IFNAR2: variants seen among roughly 807,000 people sequenced by gnomAD.
The protein encoded by IFNAR2 is interferon alpha and beta receptor subunit 2.
Under a neutral mutation model 49.4 loss-of-function variants are expected in IFNAR2, and 30 were observed. The observed-to-expected ratio is 0.61, with a 90% CI of 0.45 to 0.82. The LOEUF is 0.82. Ranked by LOEUF, IFNAR2 falls within the 40% of genes least tolerant of loss-of-function variation. The pLI is 0.00. For missense variants in IFNAR2, 600 were observed against 622.7 expected (o/e 0.96, Z 0.39); for synonymous variants, 224 against 234.5 (o/e 0.96, Z 0.41).
At chr21:33,257,851 C>T (rs1988315454) in intron 7 of IFNAR2, among the ~76,000 whole-genome samples, 1 of 152,174 alleles carries the variant, frequency 6.6e-6, no homozygotes. Flanking sequence ...GCATCCACCA[C>T]AGATGGCCAC....
intron 6 of IFNAR2, among the ~76,000 whole-genome samples, chr21:33,249,781 AT>A (rs1212356812): frequency 6.6e-6 from 1 of 152,204 alleles, no homozygotes; most frequent in Non-Finnish European, 1.5e-5. Context: ...AGCCTGAGAG[AT>A]AATCAGGGTA....
intron 6 of IFNAR2, chr21:33,251,421 G>T: frequency 7.3e-6 from 2 of 272,710 alleles, no homozygotes; most frequent in Non-Finnish European, 1.1e-5. Context: ...AGAGCTGGTT[G>T]GAGTAGATTC....
intron 5 of IFNAR2, among the ~76,000 whole-genome samples, chr21:33,247,254 C>CA (rs1987501614): frequency 1.1e-5 from 1 of 91,574 alleles, no homozygotes; most frequent in Non-Finnish European, 2.1e-5. Context: ...TTCTTTCTTT[C>CA]TTTTTTTTTT....
At chr21:33,247,027 C>G in intron 5 of IFNAR2, 137 bp downstream of exon 5, 1 of 653,782 alleles carries the variant, frequency 1.5e-6, no homozygotes, top group Non-Finnish European at 2.6e-6. Flanking sequence ...CACTTCCTAG[C>G]TCTGTAACCG....
At chr21:33,259,861 G>A (rs549953593) in intron 7 of IFNAR2, among the ~76,000 whole-genome samples, 4 of 152,166 alleles carry the variant, frequency 2.6e-5, no homozygotes, top group Admixed American at 2.6e-4. Flanking sequence ...TTAACCTTCT[G>A]GAAGACTTAG....
intron 7 of IFNAR2, among the ~76,000 whole-genome samples, chr21:33,253,489 A>T (rs890387443): frequency 1.3e-5 from 2 of 152,184 alleles, no homozygotes; most frequent in African/African-American, 2.4e-5. Flanking sequence ...AGTCTCCCTC[A>T]AAGAAGCCCT....
chr21:33,252,597 A>G (rs975820959), intron 6 of IFNAR2, 65 bp from the exon 7 acceptor site: 1 of 1,546,122 alleles, frequency 6.5e-7, no homozygotes, highest in Non-Finnish European at 8.7e-7. Flanking sequence ...CAAATCCCAA[A>G]AGAGATTAAG....
At position 33,263,854 on chromosome 21, in the gene IFNAR2, CTTTT is replaced by C. The variant is rs58370026; in HGVS notation, c.*369_*372del. On this transcript the variant is annotated 3_prime_UTR_variant, in exon 9 of 9. Coordinates refer to ENST00000342136, the MANE Select transcript of IFNAR2 (RefSeq NM_001289125.3). ...CCTATGATATTTCTCTTCTTTCGTT[CTTTT>C]TTTTTTTTTTTTTTGAGACAGAGTC... The C allele has an allele frequency of 1.1e-3, 136 of 127,140 alleles. No homozygotes were observed. Among genetic ancestry groups the C allele is most frequent in the South Asian group, 3.6e-3 (16 of 4,424 alleles). The allele number at this position is 127,140 out of a possible 1,614,324, so 7.9% of individuals were successfully genotyped here.
Position 33,263,834 on chromosome 21 carries a change from G to T in IFNAR2, c.*334G>T. ...TTTCAGAGGTGGTCCAGGACCCTAT[G>T]ATATTTCTCTTCTTTCGTTCTTTTT... On this transcript the variant is annotated 3_prime_UTR_variant, in exon 9 of 9. Coordinates refer to ENST00000342136, the MANE Select transcript of IFNAR2 (RefSeq NM_001289125.3). The T allele has an allele frequency of 4.9e-6, 1 of 203,564 alleles. No individual in the cohort carries two copies. Among genetic ancestry groups the T allele is most frequent in the Non-Finnish European group, 9.8e-6 (1 of 102,308 alleles). The allele number at this position is 203,564 out of a possible 1,614,324, so 12.6% of individuals were successfully genotyped here. A position where few individuals can be genotyped will look rare whatever the true frequency, so the allele number is the denominator to read the frequency against.
At chr21:33,231,004 C>G (rs1740655196) in intron 1 of IFNAR2, among the ~76,000 whole-genome samples, 1 of 140,628 alleles carries the variant, frequency 7.1e-6, no homozygotes, top group African/African-American at 2.8e-5. Context: ...TTTCTTTTAA[C>G]ATTTTTTTTT....
chr21:33,232,966 A>G (rs1224070681), intron 1 of IFNAR2: 1 of 982,468 alleles, frequency 1.0e-6, no homozygotes, highest in African/African-American at 1.7e-5. Flanking sequence ...CGTGGATTGC[A>G]AGACGTCTTA....
Position 33,230,334 on chromosome 21 carries a change from A to T in IFNAR2, c.-84+118A>T, listed in dbSNP as rs1424832546. 1 of 837,388 alleles carries T rather than the reference A, an allele frequency of 1.2e-6. No individual in the cohort carries two copies. The highest frequency in any genetic ancestry group is 1.6e-6 in the Non-Finnish European group (1 of 639,688). 51.9% of individuals were successfully genotyped at this position (837,388 alleles called of 1,614,324 possible). ...CTCCGGTTCCCTCTCGCTCTCCCCG[A>T]CTCCTCCTCCTCCTCCTGCCCTCCC... is the stretch of plus-strand genomic sequence containing the variant. On this transcript the variant is annotated intron_variant, in intron 1 of 8. Transcript: ENST00000342136. This position sits in a 1 kb window ranked among gnomAD's most constrained non-coding sequence, Gnocchi z 5.5.
Position 33,246,750 on chromosome 21 carries a change from G to A in IFNAR2, c.254G>A (p.Cys85Tyr). ...KPEDLKVVKN[C>Y]ANTTRSFCDL... is the part of the protein sequence containing the mutation. The stretch of plus-strand genomic sequence containing the variant: ...GAAGATTTGAAGGTGGTTAAGAACT[G>A]TGCAAATACCACAAGATCATTTTGT... The change falls in exon 5 of 9, where the codon TGT (cysteine) becomes TAT (tyrosine). Residue 85 changes from cysteine to tyrosine, a missense_variant. Coordinates refer to ENST00000342136, the MANE Select transcript of IFNAR2 (RefSeq NM_001289125.3). The A allele has an allele frequency of 6.2e-7, 1 of 1,613,724 alleles. No homozygotes were observed. Among genetic ancestry groups the A allele is most frequent in the Non-Finnish European group, 8.5e-7 (1 of 1,179,734 alleles).
intron 4 of IFNAR2, 137 bp downstream of exon 4, chr21:33,245,211 A>G: frequency 1.5e-6 from 1 of 652,816 alleles, no homozygotes. Flanking sequence ...TTTCTTATTC[A>G]GAGCCTTAAA....
intron 1 of IFNAR2, among the ~76,000 whole-genome samples, chr21:33,235,772 A>G (rs2123448125): frequency 6.6e-6 from 1 of 152,056 alleles, no homozygotes; most frequent in South Asian, 2.1e-4. Context: ...TAAAAATACA[A>G]AAAATTAGCT....
chr21:33,241,836 G>T lies in IFNAR2; in HGVS notation c.-83-4G>T. ...TGTCTTTGCTCCCATTTTTATATTT[G>T]CAGTTTAATTAGACACTTCAGAATT... On this transcript the variant is annotated splice_region_variant and splice_polypyrimidine_tract_variant and intron_variant, in intron 1 of 8. Transcript: ENST00000342136. 6.3e-7 allele frequency: 1 copy of T among 1,576,218 alleles called. No individual in the cohort carries two copies.
At chr21:33,262,395 T>C (rs966305800) in intron 8 of IFNAR2, among the ~76,000 whole-genome samples, 1 of 148,416 alleles carries the variant, frequency 6.7e-6, no homozygotes, top group African/African-American at 2.5e-5. Flanking sequence ...ATAGTAAGCA[T>C]ACCTCATAGA....
intron 7 of IFNAR2, among the ~76,000 whole-genome samples, chr21:33,256,285 G>T (rs559218875): frequency 1.3e-5 from 2 of 152,282 alleles, no homozygotes; most frequent in East Asian, 3.9e-4. Context: ...TGCACATCAA[G>T]TCAGCCCTCA....
chr21:33,257,296 G>T (rs1199950260), intron 7 of IFNAR2, among the ~76,000 whole-genome samples: 3 of 152,194 alleles, frequency 2.0e-5, no homozygotes, highest in Admixed American at 1.3e-4. Context: ...AGACCTTCCT[G>T]GTGAGCGTTA....
Sources: allele counts gnomAD v4.1 joint callset (sites outside exome capture counted in the v4.1 genomes callset), GRCh38; gene constraint gnomAD v4.1.1; non-coding constraint Gnocchi (gnomAD v3.1); transcripts MANE v1.5; gene names NCBI Gene and HGNC (gene_info 2026-07-23, HGNC 2026-07-21).